The following TENM3 variants were observed in gnomAD, a reference collection of about 807,000 sequenced individuals.
TENM3 encodes teneurin transmembrane protein 3, also known as teneurin-3.
TENM3 carries 63 observed loss-of-function variants against 255.1 expected under a neutral mutation model. That is an observed-to-expected ratio of 0.25 (90% CI 0.20 to 0.30). TENM3 has a LOEUF of 0.30. Ranked by LOEUF, TENM3 falls within the 10% of genes least tolerant of loss-of-function variation. The pLI is 1.00. For missense variants in TENM3, 2,929 were observed against 3,461.1 expected (o/e 0.85, Z 3.86); for synonymous variants, 1,306 against 1,322.3 (o/e 0.99, Z 0.27).
At chr4:182,338,737 G>A (rs567261871) in intron 2 of TENM3, among the ~76,000 whole-genome samples, 33 of 152,114 alleles carry the variant, frequency 2.2e-4, no homozygotes, top group South Asian at 1.0e-3. Context: ...ATGTGAAATG[G>A]AATAAATTAT....
the TENM3 span, among the ~76,000 whole-genome samples, chr4:181,609,574 T>G: frequency 6.6e-6 from 1 of 152,224 alleles, no homozygotes; most frequent in African/African-American, 2.4e-5. Context: ...AAGTGACCAT[T>G]ATATTTGTCT....
chr4:181,980,059 A>G, the TENM3 span: 1 of 152,224 alleles, frequency 6.6e-6, no homozygotes, highest in Non-Finnish European at 1.5e-5. Context: ...AACTGAACCC[A>G]CTTTGCCTGC....
At chr4:181,889,317 C>T in the TENM3 span, among the ~76,000 whole-genome samples, 1 of 152,132 alleles carries the variant, frequency 6.6e-6, no homozygotes, top group African/African-American at 2.4e-5. Flanking sequence ...CTTCCACTCT[C>T]ACCATGTGAC....
the TENM3 span, among the ~76,000 whole-genome samples, chr4:181,755,699 C>T: frequency 6.6e-6 from 1 of 152,104 alleles, no homozygotes; most frequent in East Asian, 1.9e-4. Flanking sequence ...TCAATACATG[C>T]ATTTCTGTCA....
chr4:182,098,075 G>GA, the TENM3 span, among the ~76,000 whole-genome samples: 2 of 151,818 alleles, frequency 1.3e-5, no homozygotes, highest in Admixed American at 6.6e-5. Context: ...ACAGGTATAT[G>GA]AAAAAAAAGC....
intron 3 of TENM3, among the ~76,000 whole-genome samples, chr4:182,522,831 A>T (rs1260889896): frequency 6.6e-6 from 1 of 152,196 alleles, no homozygotes; most frequent in Non-Finnish European, 1.5e-5. Flanking sequence ...GGATTGCTGG[A>T]TCATATGGTA....
intron 11 of TENM3, among the ~76,000 whole-genome samples, chr4:182,686,815 G>C (rs1756612697): frequency 6.6e-6 from 1 of 152,058 alleles, no homozygotes; most frequent in East Asian, 1.9e-4. Flanking sequence ...TGAATAAAAA[G>C]GGTACCTCAG....
the TENM3 span, among the ~76,000 whole-genome samples, chr4:181,972,392 G>A: frequency 7.0e-6 from 1 of 142,770 alleles, no homozygotes; most frequent in Admixed American, 7.2e-5. Flanking sequence ...GTCAGATCAT[G>A]CCACTGCACT....
chr4:182,554,322 G>A (rs751185618), intron 3 of TENM3, among the ~76,000 whole-genome samples: 12 of 152,232 alleles, frequency 7.9e-5, no homozygotes, highest in Middle Eastern at 3.4e-3. Flanking sequence ...AACTTTTGCC[G>A]AGTGATAATT....
rs535501030 is a variant in TENM3 at position 182,483,547 on chromosome 4, A to G, written c.512-117377A>G. 3.7e-4 allele frequency among the ~76,000 whole-genome samples: 57 copies of G among 152,354 alleles called. 1 individual carries two copies. Among genetic ancestry groups the G allele is most frequent in the African/African-American group, 1.3e-3 (54 of 41,594 alleles). ...ATGGAACTACTATACTAATAACAAAAGGAGCAATGTGTGATCCCATATATC... is the reference window on the plus strand; with the variant it reads ...ATGGAACTACTATACTAATAACAAAGGGAGCAATGTGTGATCCCATATATC... On this transcript the variant is annotated intron_variant, in intron 3 of 27. Transcript: ENST00000511685.
At chr4:182,469,804 G>A (rs2151443344) in intron 3 of TENM3, among the ~76,000 whole-genome samples, 1 of 152,088 alleles carries the variant, frequency 6.6e-6, no homozygotes, top group East Asian at 1.9e-4. Flanking sequence ...TAAAATAATG[G>A]CATTTGCTTT....
the TENM3 span, among the ~76,000 whole-genome samples, chr4:181,752,789 A>G: frequency 6.6e-6 from 1 of 152,172 alleles, no homozygotes; most frequent in Non-Finnish European, 1.5e-5. Context: ...AAATAGAAAA[A>G]AAAATAGATC....
chr4:182,791,644 ATG>A (rs1321853750), intron 25 of TENM3, among the ~76,000 whole-genome samples: 2 of 152,208 alleles, frequency 1.3e-5, no homozygotes, highest in Non-Finnish European at 2.9e-5. Flanking sequence ...ATTTGCCTGT[ATG>A]TGTATATATA....
At chr4:181,820,233 G>C in the TENM3 span, 21 of 152,082 alleles carry the variant, frequency 1.4e-4, no homozygotes, top group Non-Finnish European at 3.1e-4. Flanking sequence ...ATATCAAATA[G>C]GGCAAAGTCT....
intron 1 of TENM3, among the ~76,000 whole-genome samples, chr4:182,318,117 A>G (rs1463451076): frequency 6.6e-6 from 1 of 152,192 alleles, no homozygotes; most frequent in African/African-American, 2.4e-5. Flanking sequence ...AGGACACTAT[A>G]TAGAGATATC....
chr4:182,586,698 A>G (rs1746051679), intron 3 of TENM3, among the ~76,000 whole-genome samples: 1 of 152,330 alleles, frequency 6.6e-6, no homozygotes, highest in African/African-American at 2.4e-5. Context: ...CATTGCATCT[A>G]CATATTTCAT....
At chr4:181,490,306 G>A in the TENM3 span, among the ~76,000 whole-genome samples, 1 of 152,154 alleles carries the variant, frequency 6.6e-6, no homozygotes, top group Non-Finnish European at 1.5e-5. Flanking sequence ...ACCTAGAGAT[G>A]GCTCAGTATC....
At chr4:181,861,092 C>G in the TENM3 span, among the ~76,000 whole-genome samples, 1 of 152,140 alleles carries the variant, frequency 6.6e-6, no homozygotes, top group Non-Finnish European at 1.5e-5. Context: ...TTCAGCAGGC[C>G]TTGTGTCCCT....
chr4:182,670,927 G>A (rs1464733606), intron 6 of TENM3, among the ~76,000 whole-genome samples: 3 of 152,268 alleles, frequency 2.0e-5, no homozygotes, highest in South Asian at 4.1e-4. Flanking sequence ...GACATGCACA[G>A]TAACAGAATA....
Sources: gnomAD v4.1 joint callset for allele counts (sites outside exome capture counted in the v4.1 genomes callset) on GRCh38, gnomAD v4.1.1 for gene constraint, MANE v1.5 for transcripts, NCBI Gene and HGNC (gene_info 2026-07-23, HGNC 2026-07-21) for gene names.